The following ZNF385D variants were observed in gnomAD, a reference collection of about 807,000 sequenced individuals.
ZNF385D encodes zinc finger protein 659.
ZNF385D carries 15 observed loss-of-function variants against 35.8 expected under a neutral mutation model. The ratio of observed to expected loss-of-function variants is 0.42; its 90% confidence interval spans 0.28 to 0.64. ZNF385D has a LOEUF of 0.64. Ranked by LOEUF, ZNF385D falls within the 30% of genes least tolerant of loss-of-function variation. The probability of loss-of-function intolerance (pLI) is 0.23; values close to 1 mark genes in which losing one functional copy is unlikely to be tolerated. For missense variants in ZNF385D, 474 were observed against 494.6 expected, an observed-to-expected ratio of 0.96 and a Z score of 0.39; for synonymous variants, 212 against 186.8, an observed-to-expected ratio of 1.13 and a Z score of -1.10.
intron 3 of ZNF385D, among the ~76,000 whole-genome samples, chr3:21,920,351 C>A (rs896654581): frequency 2.6e-5 from 4 of 152,110 alleles, no homozygotes; most frequent in Admixed American, 2.6e-4. Flanking sequence ...TTAAAAATTG[C>A]TTGCTGTAAC....
chr3:21,897,863 G>A (rs550620927), intron 3 of ZNF385D, among the ~76,000 whole-genome samples: 29 of 152,108 alleles, frequency 1.9e-4, no homozygotes, highest in Admixed American at 1.6e-3. Context: ...AGTGTGTATC[G>A]AAAAGAAGAC....
chr3:21,563,168 T>C (rs533659554), intron 3 of ZNF385D: 2 of 152,308 alleles, frequency 1.3e-5, no homozygotes, highest in African/African-American at 2.4e-5. Context: ...TTGGTGCCCT[T>C]ATAAAATAGC....
chr3:22,030,265 A>ATGTATG lies in ZNF385D; in HGVS notation c.325+138551_325+138552insCATACA, dbSNP rs1697863710. ...ACTTAATAAACTCATTCATATATAT[A>ATGTATG]TATATATATATATATATATATATAT... is the stretch of plus-strand genomic sequence containing the variant. On this transcript the variant is annotated intron_variant, in intron 3 of 5. Transcript: ENST00000494108. Among the ~76,000 whole-genome samples the ATGTATG allele has an allele frequency of 3.5e-5, 3 of 85,214 alleles. No homozygotes were observed. In the South Asian group the frequency reaches 1.3e-3, roughly 37 times the overall value. 55.9% of individuals were successfully genotyped at this position (85,214 alleles called of 152,430 possible). A position where few individuals can be genotyped will look rare whatever the true frequency, so the allele number is the denominator to read the frequency against.
chr3:21,929,377 T>C (rs1292163038), intron 3 of ZNF385D, among the ~76,000 whole-genome samples: 1 of 152,040 alleles, frequency 6.6e-6, no homozygotes, highest in African/African-American at 2.4e-5. Context: ...TAATAAAAAT[T>C]GAATACTCTC....
intron 3 of ZNF385D, among the ~76,000 whole-genome samples, chr3:21,562,878 A>ATACTT (rs1466218129): frequency 2.5e-5 from 2 of 80,298 alleles, no homozygotes; most frequent in Non-Finnish European, 4.4e-5. Context: ...TCACTTGAGA[A>ATACTT]TACTTTATTG....
At chr3:22,303,561 A>G (rs1210293024) in intron 2 of ZNF385D, among the ~76,000 whole-genome samples, 1 of 152,074 alleles carries the variant, frequency 6.6e-6, no homozygotes, top group Non-Finnish European at 1.5e-5. Flanking sequence ...AACATATTCT[A>G]TACTGCAGCT....
At chr3:22,298,497 T>A (rs1263375606) in intron 2 of ZNF385D, among the ~76,000 whole-genome samples, 49 of 144,006 alleles carry the variant, frequency 3.4e-4, no homozygotes, top group Non-Finnish European at 3.9e-4. Context: ...ATATAATATA[T>A]AAATATACAT....
At chr3:22,234,644 G>A (rs1208322924) in intron 2 of ZNF385D, among the ~76,000 whole-genome samples, 2 of 151,686 alleles carry the variant, frequency 1.3e-5, no homozygotes, top group Non-Finnish European at 2.9e-5. Context: ...TTTACTTAAG[G>A]GATATATTCC....
intron 1 of ZNF385D, among the ~76,000 whole-genome samples, chr3:21,707,376 G>C (rs967909834): frequency 3.9e-5 from 6 of 152,156 alleles, no homozygotes; most frequent in African/African-American, 1.4e-4. Context: ...ATATTTCATG[G>C]TGCAGTAAGC....
At chr3:21,751,418 G>A (rs1049443163), upstream of ZNF385D, 2 of 1,007,352 alleles carry the variant, frequency 2.0e-6, no homozygotes, top group South Asian at 4.1e-5. Context: ...GGAACACACA[G>A]GAGAAATTCA....
At chr3:21,502,889 T>G (rs1338332283) in intron 4 of ZNF385D, among the ~76,000 whole-genome samples, 1 of 152,200 alleles carries the variant, frequency 6.6e-6, no homozygotes, top group Non-Finnish European at 1.5e-5. Flanking sequence ...ACAATGGTGC[T>G]TCAACTCCTG....
intron 2 of ZNF385D, among the ~76,000 whole-genome samples, chr3:22,216,968 G>A (rs865832342): frequency 6.6e-6 from 1 of 152,130 alleles, no homozygotes; most frequent in East Asian, 1.9e-4. Context: ...CCAAGTAGAA[G>A]CATCTGTCTT....
At chr3:22,129,720 G>T (rs1333767241) in intron 3 of ZNF385D, among the ~76,000 whole-genome samples, 3 of 146,250 alleles carry the variant, frequency 2.1e-5, no homozygotes, top group African/African-American at 7.6e-5. Context: ...GTTTTTTCAG[G>T]GTAACAGGCT....
At chr3:21,995,594 T>C (rs956326648) in intron 3 of ZNF385D, among the ~76,000 whole-genome samples, 1 of 151,818 alleles carries the variant, frequency 6.6e-6, no homozygotes, top group Non-Finnish European at 1.5e-5. Context: ...AGGTCTTTCT[T>C]CAGGTCCTCT....
At chr3:21,945,935 C>T (rs902591933) in intron 3 of ZNF385D, among the ~76,000 whole-genome samples, 2 of 152,084 alleles carry the variant, frequency 1.3e-5, no homozygotes, top group Non-Finnish European at 2.9e-5. Context: ...AATTTCAGAG[C>T]TCTCTAAAAA....
chr3:22,213,067 C>T (rs1697630272), intron 2 of ZNF385D, among the ~76,000 whole-genome samples: 1 of 151,906 alleles, frequency 6.6e-6, no homozygotes, highest in Non-Finnish European at 1.5e-5. Context: ...GTTTATAAGT[C>T]ACATTCAGTT....
At chr3:22,037,745 G>A (rs1282592949) in intron 3 of ZNF385D, among the ~76,000 whole-genome samples, 1 of 152,040 alleles carries the variant, frequency 6.6e-6, no homozygotes, top group African/African-American at 2.4e-5. Context: ...GGCTTTTGTT[G>A]TCATTGCTTT....
intron 3 of ZNF385D, among the ~76,000 whole-genome samples, chr3:21,846,942 A>G (rs1022844546): frequency 6.6e-6 from 1 of 152,178 alleles, no homozygotes; most frequent in African/African-American, 2.4e-5. Context: ...CCTTAATCCT[A>G]TGAAGCTATG....
At chr3:22,361,660 C>T (rs1473655421) in intron 2 of ZNF385D, among the ~76,000 whole-genome samples, 1 of 152,040 alleles carries the variant, frequency 6.6e-6, no homozygotes, top group East Asian at 1.9e-4. Flanking sequence ...GTATGATAGA[C>T]TTAGCAGAAA....
Sources: gnomAD v4.1 joint callset for allele counts (sites outside exome capture counted in the v4.1 genomes callset) on GRCh38, gnomAD v4.1.1 for gene constraint, MANE v1.5 for transcripts, NCBI Gene and HGNC (gene_info 2026-07-23, HGNC 2026-07-21) for gene names.